Variants in SOCS6 observed in about 807,000 individuals in gnomAD.
SOCS6 encodes suppressor of cytokine signaling 6, also known as STAT induced STAT inhibitor-4.
Under a neutral mutation model 27.7 loss-of-function variants are expected in SOCS6, and 5 were observed. That is an observed-to-expected ratio of 0.18 (90% CI 0.09 to 0.38). SOCS6 has a LOEUF of 0.38. Among genes scored for constraint, SOCS6 ranks in the 10% least tolerant of loss-of-function variants. SOCS6 has a pLI of 1.00. For synonymous variants in SOCS6, 271 were observed against 260.0 expected (o/e 1.04, Z -0.41); for missense variants, 595 against 688.1 (o/e 0.86, Z 1.51).
intron 1 of SOCS6, among the ~76,000 whole-genome samples, chr18:70,305,131 C>T (rs1349563890): frequency 0.029 from 2 of 68 alleles, no homozygotes; most frequent in Non-Finnish European, 0.045. Flanking sequence ...TGTTTGAAGC[C>T]GGGAGGTGGG....
In SOCS6 at chr18:70,325,946, T is replaced by C; in HGVS notation, c.1278T>C (p.Gly426=). 1 of 1,614,248 alleles carries C rather than the reference T, an allele frequency of 6.2e-7. No homozygotes were observed. Among genetic ancestry groups the C allele is most frequent in the South Asian group, 1.1e-5 (1 of 91,088 alleles). ...YLLSLSFRSH[G]KTLHTRIEHS... ...TAAGCTTGAGCTTTCGCTCCCATGG[T>C]AAAACACTTCACACTAGAATTGAGC... The change falls in exon 2 of 2, where the codon GGT becomes GGC. Residue 426 remains glycine, a synonymous_variant. Transcript: ENST00000397942. This position sits in a 1 kb window ranked among gnomAD's most constrained non-coding sequence, Gnocchi z 6.3.
chr18:70,304,481 C>G (rs73965329), intron 1 of SOCS6, among the ~76,000 whole-genome samples: 2,363 of 152,226 alleles, frequency 0.016, 65 homozygotes, highest in African/African-American at 0.053. Context: ...ATGATATTGT[C>G]ATGATAGTGG....
At chr18:70,289,459 G>A in intron 1 of SOCS6, among the ~76,000 whole-genome samples, 1 of 147,310 alleles carries the variant, frequency 6.8e-6, no homozygotes, top group African/African-American at 2.4e-5. Flanking sequence ...CGGCCGCGGC[G>A]CGCCGGCCTG....
At chr18:70,304,932 C>A (rs1000034039) in intron 1 of SOCS6, among the ~76,000 whole-genome samples, 1 of 152,122 alleles carries the variant, frequency 6.6e-6, no homozygotes, top group African/African-American at 2.4e-5. Context: ...CATGGCCGAG[C>A]GCGGTGGCTC....
At chr18:70,314,705 C>A (rs2062404599) in intron 1 of SOCS6, among the ~76,000 whole-genome samples, 1 of 152,144 alleles carries the variant, frequency 6.6e-6, no homozygotes, top group Non-Finnish European at 1.5e-5. Context: ...GATGTTTAAT[C>A]ATTTCATAAG....
At position 70,320,864 on chromosome 18, in the gene SOCS6, A is replaced by G. The variant is rs188600292; in HGVS notation, c.-126-3679A>G. On this transcript the variant is annotated intron_variant, in intron 1 of 1. Coordinates refer to ENST00000397942, the MANE Select transcript of SOCS6 (RefSeq NM_004232.4). ...TATGAGAGTCTAGCTGTCTTCCTTT[A>G]GTCAGGCAGAAGAGATTTACAGTAA... Among the ~76,000 whole-genome samples, 4 of 152,354 alleles carry G rather than the reference A, an allele frequency of 2.6e-5. No individual in the cohort carries two copies. In the East Asian group the frequency reaches 7.7e-4, roughly 29 times the overall value.
Position 70,326,006 on chromosome 18 carries a change from A to G in SOCS6, c.1338A>G (p.Pro446=). 6.2e-7 allele frequency: 1 copy of G among 1,614,284 alleles called. No individual in the cohort carries two copies. ...GTAGGTTTAGCTTTTATGAACAGCC[A>G]GATGTGGAAGGACATACGTCCATAG... ...SNGRFSFYEQ[P]DVEGHTSIVD... The change falls in exon 2 of 2, where the codon CCA becomes CCG. Residue 446 remains proline (P), a synonymous_variant. Transcript: ENST00000397942.
intron 1 of SOCS6, among the ~76,000 whole-genome samples, chr18:70,301,179 C>A (rs2146267554): frequency 6.6e-6 from 1 of 152,240 alleles, no homozygotes; most frequent in South Asian, 2.1e-4. Context: ...GATAAAGGAC[C>A]TTATTACAGT....
chr18:70,295,466 T>G (rs1384474807), intron 1 of SOCS6, among the ~76,000 whole-genome samples: 1 of 152,230 alleles, frequency 6.6e-6, no homozygotes, highest in Non-Finnish European at 1.5e-5. Flanking sequence ...TGTATGTTAC[T>G]TGTTTAAAGT....
chr18:70,324,992 A>G lies in SOCS6; in HGVS notation c.324A>G (p.Ser108=). The G allele has an allele frequency of 6.2e-7, 1 of 1,613,976 alleles. No homozygotes were observed. The highest frequency in any genetic ancestry group is 8.5e-7 in the Non-Finnish European group (1 of 1,179,956). The change falls in exon 2 of 2, where the codon TCA becomes TCG. Residue 108 remains serine, a synonymous_variant. Coordinates refer to ENST00000397942, the MANE Select transcript of SOCS6 (RefSeq NM_004232.4). ...ACGAGGACACCTTCTCCTCCTCCTC[A>G]GCACCCATAGTCTTTAAAGACGTGA... The part of the protein sequence containing the change: ...SADEDTFSSS[S]APIVFKDVRA...
At chr18:70,317,636 T>C (rs73470680) in intron 1 of SOCS6, among the ~76,000 whole-genome samples, 3,611 of 152,076 alleles carry the variant, frequency 0.024, 137 homozygotes, top group African/African-American at 0.081. Flanking sequence ...ATTCCATATT[T>C]TTGCAGTTGT....
intron 1 of SOCS6, among the ~76,000 whole-genome samples, chr18:70,291,061 A>G (rs1439713810): frequency 6.6e-6 from 1 of 151,696 alleles, no homozygotes; most frequent in Non-Finnish European, 1.5e-5. Context: ...TTCTTGCATT[A>G]GAACTGGAAA....
chr18:70,294,344 A>T (rs1193464650), intron 1 of SOCS6, among the ~76,000 whole-genome samples: 1 of 151,548 alleles, frequency 6.6e-6, no homozygotes, highest in African/African-American at 2.4e-5. Flanking sequence ...TTTTCTTGTC[A>T]GTTTTTTTTG....
chr18:70,325,143 G>A lies in SOCS6; in HGVS notation c.475G>A (p.Val159Ile). The A allele has an allele frequency of 1.2e-6, 2 of 1,614,172 alleles. No individual in the cohort carries two copies. The highest frequency in any genetic ancestry group is 8.5e-7 in the Non-Finnish European group (1 of 1,180,036). Reference sequence around the variant, plus strand: ...GATGGAGGTGAGAGTCAAGGCCTTGGTTCACTCTTCCAGCCCGAGTCCAGC... The same window carrying A: ...GATGGAGGTGAGAGTCAAGGCCTTGATTCACTCTTCCAGCCCGAGTCCAGC... ...IKMEVRVKAL[V>I]HSSSPSPALN... is the part of the protein sequence containing the mutation. The change falls in exon 2 of 2, where the codon GTT (valine) becomes ATT (isoleucine). Residue 159 changes from valine (V) to isoleucine (I), a missense_variant. Transcript: ENST00000397942. This position sits in a 1 kb window ranked among gnomAD's most constrained non-coding sequence, Gnocchi z 6.3.
chr18:70,314,804 T>C (rs1207302274), intron 1 of SOCS6, among the ~76,000 whole-genome samples: 2 of 152,162 alleles, frequency 1.3e-5, no homozygotes, highest in Non-Finnish European at 2.9e-5. Context: ...TAATTAATAA[T>C]ACAATTGATG....
At chr18:70,305,722 A>C (rs1302358404) in intron 1 of SOCS6, among the ~76,000 whole-genome samples, 1 of 152,236 alleles carries the variant, frequency 6.6e-6, no homozygotes, top group Non-Finnish European at 1.5e-5. Context: ...GAATCTCTAT[A>C]TTCTCTTAGC....
chr18:70,294,493 A>T (rs1166619798), intron 1 of SOCS6, among the ~76,000 whole-genome samples: 1 of 152,084 alleles, frequency 6.6e-6, no homozygotes, highest in Admixed American at 6.6e-5. Context: ...TTCCTATTTA[A>T]AGTAATTATT....
At chr18:70,308,574 A>G (rs1160091786) in intron 1 of SOCS6, among the ~76,000 whole-genome samples, 1 of 152,126 alleles carries the variant, frequency 6.6e-6, no homozygotes, top group Non-Finnish European at 1.5e-5. Context: ...AAAAATATTA[A>G]TTAGGTCAAG....
chr18:70,324,308 T>TAAC (rs1281229946), intron 1 of SOCS6, among the ~76,000 whole-genome samples: 1 of 151,640 alleles, frequency 6.6e-6, no homozygotes, highest in Non-Finnish European at 1.5e-5. Context: ...CTCAAAATAA[T>TAAC]AATAATAATA....
Sources: gnomAD v4.1 joint callset for allele counts (sites outside exome capture counted in the v4.1 genomes callset) on GRCh38, gnomAD v4.1.1 for gene constraint, Gnocchi (gnomAD v3.1) non-coding constraint, MANE v1.5 for transcripts, NCBI Gene and HGNC (gene_info 2026-07-23, HGNC 2026-07-21) for gene names.